The following SLC26A8 variants were observed in gnomAD, a reference collection of about 807,000 sequenced individuals.
SLC26A8 encodes testis anion transporter 1.
A neutral mutation model predicts 105.0 loss-of-function variants in SLC26A8; 70 were observed. The ratio of observed to expected loss-of-function variants is 0.67; its 90% CI spans 0.55 to 0.81. The LOEUF is 0.81. Ranked by LOEUF, SLC26A8 falls within the 40% of genes least tolerant of loss-of-function variation. The probability of loss-of-function intolerance (pLI) is 0.00; values close to 1 mark genes in which losing one functional copy is unlikely to be tolerated. For missense variants in SLC26A8, 998 were observed against 1,181.8 expected, an observed-to-expected ratio of 0.84 and a Z score of 2.28; for synonymous variants, 415 against 438.3, an observed-to-expected ratio of 0.95 and a Z score of 0.66.
At chr6:36,010,506 G>T (rs1761824144) in intron 3 of SLC26A8, among the ~76,000 whole-genome samples, 1 of 151,346 alleles carries the variant, frequency 6.6e-6, no homozygotes, top group African/African-American at 2.4e-5. Flanking sequence ...ATCAATTGTG[G>T]TGGTGGTTAC....
chr6:36,003,533 A>C (rs1761587344), intron 3 of SLC26A8, among the ~76,000 whole-genome samples: 2 of 152,346 alleles, frequency 1.3e-5, no homozygotes, highest in Admixed American at 6.5e-5. Flanking sequence ...ATAGATGTCA[A>C]GGTTACTTAA....
rs1468179298 is a variant in SLC26A8, at chr6:35,943,647, C to G, written c.*253G>C. ...GGTGTGTGAAGAAGGAAATTCATGACTAGAATATATGCTGAAGGTGAAATG... is the reference window on the plus strand; with the variant it reads ...GGTGTGTGAAGAAGGAAATTCATGAGTAGAATATATGCTGAAGGTGAAATG... On this transcript the variant is annotated 3_prime_UTR_variant, in exon 20 of 20. Coordinates refer to ENST00000490799, the MANE Select transcript of SLC26A8 (RefSeq NM_052961.4). The G allele has an allele frequency of 1.1e-5, 5 of 474,374 alleles. No homozygotes were observed. Among genetic ancestry groups the G allele is most frequent in the African/African-American group, 1.9e-5 (1 of 51,894 alleles). 29.4% of individuals were successfully genotyped at this position (474,374 alleles called of 1,614,324 possible).
At chr6:35,964,835 C>T (rs947911222) in intron 11 of SLC26A8, among the ~76,000 whole-genome samples, 2 of 150,478 alleles carry the variant, frequency 1.3e-5, no homozygotes, top group South Asian at 2.1e-4. Context: ...GCAGTAGTGG[C>T]GTGCACCTGT....
chr6:35,968,387 T>A (rs188651717), intron 11 of SLC26A8, among the ~76,000 whole-genome samples: 1 of 151,408 alleles, frequency 6.6e-6, no homozygotes, highest in Admixed American at 6.6e-5. Context: ...TCAGGTAATC[T>A]GCCCAGCTTG....
chr6:35,998,747 A>C (rs1294691387), intron 4 of SLC26A8, among the ~76,000 whole-genome samples: 1 of 152,174 alleles, frequency 6.6e-6, no homozygotes, highest in African/African-American at 2.4e-5. Flanking sequence ...ATAAATCTCT[A>C]ACAACCCTTA....
At position 35,951,197 on chromosome 6, in the gene SLC26A8, G is replaced by C; in HGVS notation, c.2438C>G (p.Thr813Arg). ...SSELSIDESE[T>R]VIRETYSETD... is the part of the protein sequence containing the mutation. Reference sequence around the variant, plus strand: ...TTCTGAGTAGGTTTCCCGTATCACTGTCTCGGATTCATCGATGCTTAACTC... The same window carrying C: ...TTCTGAGTAGGTTTCCCGTATCACTCTCTCGGATTCATCGATGCTTAACTC... Residue 813 changes from threonine to arginine, a missense_variant, in exon 19 of 20, where the codon ACA becomes AGA. Physicochemically the swap from Thr to Arg is moderately conservative, Grantham distance 71 (BLOSUM62 -1). Coordinates refer to ENST00000490799, the MANE Select transcript of SLC26A8 (RefSeq NM_052961.4). The C allele has an allele frequency of 1.9e-6, 3 of 1,610,158 alleles. No homozygotes were observed. Among genetic ancestry groups the C allele is most frequent in the Non-Finnish European group, 2.5e-6 (3 of 1,179,692 alleles).
intron 2 of SLC26A8, among the ~76,000 whole-genome samples, chr6:36,014,562 A>G (rs1202454081): frequency 2.6e-5 from 4 of 151,542 alleles, no homozygotes; most frequent in African/African-American, 9.7e-5. Flanking sequence ...AGATGGGGTT[A>G]AAAGATTATT....
intron 3 of SLC26A8, among the ~76,000 whole-genome samples, chr6:36,000,758 T>C (rs1026830418): frequency 4.6e-5 from 7 of 152,202 alleles, no homozygotes; most frequent in Admixed American, 6.5e-5. Context: ...CTCATCTAAA[T>C]TCAGTTATGA....
chr6:35,991,907 G>T, intron 6 of SLC26A8, 99 bp from the exon 7 acceptor site: 1 of 1,238,198 alleles, frequency 8.1e-7, no homozygotes, highest in Non-Finnish European at 1.1e-6. Flanking sequence ...AAGTCCCCAA[G>T]TAGAGTTTCT....
intron 17 of SLC26A8, among the ~76,000 whole-genome samples, chr6:35,954,488 T>C (rs567292992): frequency 5.9e-4 from 90 of 152,274 alleles, no homozygotes; most frequent in Non-Finnish European, 1.1e-3. Context: ...TTCAGACCTA[T>C]TCCTTGAAGA....
chr6:35,992,730 C>A lies in SLC26A8; in HGVS notation c.628-56G>T, dbSNP rs776109991. 8 of 1,498,468 alleles carry A rather than the reference C, an allele frequency of 5.3e-6. No homozygotes were observed. In the African/African-American group the frequency reaches 1.1e-4, roughly 21 times the overall value. The allele number at this position is 1,498,468 out of a possible 1,614,324, so 92.8% of individuals were successfully genotyped here. A position where few individuals can be genotyped will look rare whatever the true frequency, so the allele number is the denominator to read the frequency against. ...GAATGTCTTCAATCCAGCAATGGCA[C>A]CAATGGCACTCTCCAGGAAAAGAAG... On this transcript the variant is annotated intron_variant, in intron 5 of 19. Transcript: ENST00000490799.
At chr6:35,988,073 G>A (rs181070351) in intron 7 of SLC26A8, among the ~76,000 whole-genome samples, 1 of 152,078 alleles carries the variant, frequency 6.6e-6, no homozygotes, top group African/African-American at 2.4e-5. Context: ...ACCATGCCCG[G>A]CTAATTTTTG....
At chr6:35,977,560 G>C (rs1377674756) in intron 8 of SLC26A8, among the ~76,000 whole-genome samples, 2 of 151,816 alleles carry the variant, frequency 1.3e-5, no homozygotes, top group African/African-American at 2.4e-5. Context: ...ATGTTGTTGT[G>C]TTTTGCAGTT....
intron 17 of SLC26A8, among the ~76,000 whole-genome samples, chr6:35,954,222 A>G (rs771647048): frequency 5.9e-5 from 9 of 152,238 alleles, no homozygotes; most frequent in Admixed American, 2.0e-4. Context: ...ACCCAAGAGT[A>G]GAAAAGAAGT....
At position 35,955,534 on chromosome 6, in the gene SLC26A8, G is replaced by T. The variant is rs1220855109; in HGVS notation, c.1864-14C>A. 65 of 1,610,402 alleles carry T rather than the reference G, an allele frequency of 4.0e-5. 1 individual carries two copies. In the Admixed American group the frequency reaches 8.8e-4, roughly 22 times the overall value. ...TGTGTAAAGAATCTGGGACGACAGA[G>T]TTAAGGGAGGGCTGTGGTAAGACAC... On this transcript the variant is annotated splice_polypyrimidine_tract_variant and intron_variant, in intron 16 of 19. Transcript: ENST00000490799.
chr6:36,024,079 T>A (rs1317197423), intron 1 of SLC26A8, among the ~76,000 whole-genome samples: 1 of 90,160 alleles, frequency 1.1e-5, no homozygotes, highest in Non-Finnish European at 2.3e-5. Context: ...GGCAAGGAGG[T>A]GGGGGTGGGG....
chr6:35,971,063 C>G (rs11758722), intron 10 of SLC26A8, among the ~76,000 whole-genome samples: 1 of 151,728 alleles, frequency 6.6e-6, no homozygotes, highest in Non-Finnish European at 1.5e-5. Context: ...AACAAAAATC[C>G]TAAGTCAAAA....
intron 5 of SLC26A8, among the ~76,000 whole-genome samples, chr6:35,994,116 C>CTTTT (rs1168753321): frequency 5.9e-4 from 39 of 66,208 alleles, no homozygotes; most frequent in African/African-American, 1.3e-3. Context: ...TTTTTCTTTT[C>CTTTT]TTTTTTTTTT....
intron 3 of SLC26A8, among the ~76,000 whole-genome samples, chr6:36,000,723 C>A (rs1226293131): frequency 6.6e-6 from 1 of 152,156 alleles, no homozygotes; most frequent in African/African-American, 2.4e-5. Flanking sequence ...AAGAGTCTGT[C>A]CTCAATTTAC....
Sources: allele counts gnomAD v4.1 joint callset (sites outside exome capture counted in the v4.1 genomes callset), GRCh38; gene constraint gnomAD v4.1.1; transcripts MANE v1.5; gene names NCBI Gene and HGNC (gene_info 2026-07-23, HGNC 2026-07-21).